POLE: variants seen among roughly 807,000 people sequenced by gnomAD.
The protein encoded by POLE is DNA polymerase epsilon, catalytic subunit, also known as DNA polymerase epsilon catalytic subunit A.
A neutral mutation model predicts 279.2 loss-of-function variants in POLE; 188 were observed. The observed-to-expected ratio is 0.67, with a 90% CI of 0.60 to 0.76. POLE has a LOEUF of 0.76. Among genes scored for constraint, POLE ranks in the 30% least tolerant of loss-of-function variants. The pLI is 0.00. For synonymous variants in POLE, 1,214 were observed against 1,172.5 expected (o/e 1.04, Z -0.72); for missense variants, 2,703 against 3,016.7 (o/e 0.90, Z 2.44).
chr12:132,661,621 G>A lies in POLE; in HGVS notation c.2770C>T (p.Arg924Cys), dbSNP rs369751686. ...TCAAAAAAGATGCTGTTCTCTGAGC[G>A]GGTGACGTAGGTGAGTGAGGACGGC... is the stretch of plus-strand genomic sequence containing the variant. ...AEPSSLTYVT[R>C]SENSIFFEVD... Residue 924 changes from arginine (R) to cysteine (C), a missense_variant, in exon 24 of 49, where the codon CGC (arginine) becomes TGC (cysteine). Physicochemically the swap from Arg to Cys is radical, Grantham distance 180. Around this residue, in one of 5 missense-constraint regions of POLE, gnomAD observed 101 missense variants for 115.4 expected, o/e 0.87. Transcript: ENST00000320574. The surrounding 1 kb of genome is among the most constrained non-coding windows in gnomAD (Gnocchi z 4.1). 2.9e-5 allele frequency: 47 copies of A among 1,614,016 alleles called. No individual in the cohort carries two copies. The highest frequency in any genetic ancestry group is 3.3e-5 in the Non-Finnish European group (39 of 1,180,022).
intron 45 of POLE, among the ~76,000 whole-genome samples, chr12:132,630,445 A>T (rs999757227): frequency 7.2e-5 from 11 of 152,280 alleles, no homozygotes; most frequent in South Asian, 4.1e-4. Flanking sequence ...GACAGCAAAG[A>T]AGCCCATTAA....
intron 15 of POLE, 148 bp downstream of exon 15, chr12:132,672,479 C>A: frequency 9.4e-7 from 1 of 1,058,300 alleles, no homozygotes; most frequent in Non-Finnish European, 1.4e-6. Flanking sequence ...AAAGAAGCCC[C>A]CGGGGGGTGC....
intron 19 of POLE, 29 bp from the exon 20 acceptor site, chr12:132,667,677 G>C (rs761146749): frequency 1.2e-6 from 2 of 1,612,372 alleles, no homozygotes; most frequent in Non-Finnish European, 1.7e-6. Context: ...GGCAGAGCAG[G>C]TGGGTGAGAT....
chr12:132,628,661 AAAACAAAACAAAACAAAACAAAAC>A (rs869045000), intron 45 of POLE, among the ~76,000 whole-genome samples: 3 of 39,072 alleles, frequency 7.7e-5, no homozygotes, highest in Admixed American at 6.1e-4. Flanking sequence ...AAAACAAAAC[AAAACAAAACAAAACAAAACAAAAC>A]AAAAAACTAC....
Position 132,657,173 on chromosome 12 carries a change from TTC to T in POLE, c.3543_3544del (p.Lys1182AspfsTer3), listed in dbSNP as rs1394807140. On this transcript the variant is annotated frameshift_variant, in exon 29 of 49. Coordinates refer to ENST00000320574, the MANE Select transcript of POLE (RefSeq NM_006231.4). LOFTEE classifies it high-confidence loss of function. The stretch of plus-strand genomic sequence containing the variant: ...CTCCAGGGTGAAGAGCTCACTGATC[TTC>T]TTCTGCTTGTAGACATCATTCTTCT... The T allele has an allele frequency of 6.2e-7, 1 of 1,613,982 alleles. No homozygotes were observed. The highest frequency in any genetic ancestry group is 8.5e-7 in the Non-Finnish European group (1 of 1,179,998).
chr12:132,687,247 C>T lies in POLE; in HGVS notation c.62+7G>A. 3 of 1,492,826 alleles carry T rather than the reference C, an allele frequency of 2.0e-6. No homozygotes were observed. Among genetic ancestry groups the T allele is most frequent in the Non-Finnish European group, 2.7e-6 (3 of 1,123,310 alleles). The allele number at this position is 1,492,826 out of a possible 1,614,324, so 92.5% of individuals were successfully genotyped here. On this transcript the variant is annotated splice_region_variant and intron_variant, in intron 1 of 48. Coordinates refer to ENST00000320574, the MANE Select transcript of POLE (RefSeq NM_006231.4). ...CGGCCCGAGAGCCTCAGGAGGGCGC[C>T]CCTCACCTGCTGGCCTCGCCATCCG...
At chr12:132,651,219 A>G (rs1267392715) in intron 29 of POLE, 7 of 152,194 alleles carry the variant, frequency 4.6e-5, no homozygotes, top group Admixed American at 3.9e-4. Flanking sequence ...TGAGACTGAC[A>G]CCGGGTGAAA....
In POLE at chr12:132,680,621, C is replaced by T. The variant is rs1316316435; in HGVS notation, c.271G>A (p.Gly91Arg). 8 of 1,613,494 alleles carry T rather than the reference C, an allele frequency of 5.0e-6. No homozygotes were observed. Among genetic ancestry groups the T allele is most frequent in the Non-Finnish European group, 2.5e-6 (3 of 1,179,564 alleles). ...AVDYYFIQDD[G>R]SRFKVALPYK... is the part of the protein sequence containing the mutation. The stretch of plus-strand genomic sequence containing the variant: ...CAGGGGCTTACCTTAAATCTGCTTC[C>T]GTCATCTTGAATAAAGTAGTAATCC... The change falls in exon 3 of 49, where the codon GGA becomes AGA. Residue 91 changes from glycine (G) to arginine (R), a missense_variant. Coordinates refer to ENST00000320574, the MANE Select transcript of POLE (RefSeq NM_006231.4).
Position 132,681,429 on chromosome 12 carries a change from C to T in POLE, c.63-150G>A, listed in dbSNP as rs550524327. On this transcript the variant is annotated intron_variant, in intron 1 of 48. Coordinates refer to ENST00000320574, the MANE Select transcript of POLE (RefSeq NM_006231.4). ...TGTGATCTCGGCTCACTGCAAGCTC[C>T]GCCTCCCGGGTTCACGCCATTCTCC... 140 of 747,284 alleles carry T rather than the reference C, an allele frequency of 1.9e-4. No homozygotes were observed. In the Admixed American group the frequency reaches 2.5e-3, roughly 13 times the overall value. 46.3% of individuals were successfully genotyped at this position (747,284 alleles called of 1,614,324 possible).
chr12:132,648,458 C>T (rs1279119187), intron 32 of POLE: 2 of 152,752 alleles, frequency 1.3e-5, no homozygotes, highest in East Asian at 1.9e-4. Context: ...ATGTAACAAA[C>T]CTGCACTTTC....
chr12:132,639,130 G>A lies in POLE; in HGVS notation c.5547C>T (p.Phe1849=), dbSNP rs1565932929. 1.2e-6 allele frequency: 2 copies of A among 1,614,078 alleles called. No individual in the cohort carries two copies. Among genetic ancestry groups the A allele is most frequent in the Non-Finnish European group, 8.5e-7 (1 of 1,179,946 alleles). ...RTLHNMMKKL[F]LQLIAEFKRL... is the part of the protein sequence containing the mutation. ...CAGGGAGGAGGAGCACTCACTGCAG[G>A]AAGAGCTTCTTCATCATGTTGTGGA... The change falls in exon 40 of 49, where the codon TTC becomes TTT. Residue 1849 remains phenylalanine, a synonymous_variant. Transcript: ENST00000320574. This position sits in a 1 kb window ranked among gnomAD's most constrained non-coding sequence, Gnocchi z 4.7.
chr12:132,682,311 A>AAT (rs61693359), intron 1 of POLE, among the ~76,000 whole-genome samples: 11,464 of 74,230 alleles, frequency 0.15, 613 homozygotes, highest in Non-Finnish European at 0.18. Context: ...AAAATAAATA[A>AAT]AAATAAATAA....
intron 45 of POLE, among the ~76,000 whole-genome samples, chr12:132,628,606 G>A (rs1281881971): frequency 1.3e-5 from 2 of 150,794 alleles, no homozygotes; most frequent in East Asian, 3.9e-4. Context: ...CCGCACCACT[G>A]TATTCCAGCC....
rs2138608438 is a variant in POLE at position 132,649,435 on chromosome 12, C to G, written c.3876G>C (p.Arg1292Ser). 2 of 1,612,890 alleles carry G rather than the reference C, an allele frequency of 1.2e-6. No homozygotes were observed. The highest frequency in any genetic ancestry group is 1.7e-6 in the Non-Finnish European group (2 of 1,180,018). The change falls in exon 31 of 49, where the codon AGG becomes AGC. Residue 1292 changes from arginine (R) to serine (S), a missense_variant. Arg to Ser is a moderately radical substitution (Grantham distance 110). This residue lies in a region of POLE where 1,551 missense variants were observed against 1,686.1 expected (regional missense o/e 0.92). Coordinates refer to ENST00000320574, the MANE Select transcript of POLE (RefSeq NM_006231.4). The part of the protein sequence containing the change: ...QARQRLARRK[R>S]QRLESAEGVL... The stretch of plus-strand genomic sequence containing the variant: ...CACCCTCTGCCGACTCCAGACGCTG[C>G]CTCTTCCTGCGGGCGAGGCGCTGCC...
In POLE at chr12:132,665,870, A is replaced by T. The variant is rs541656511; in HGVS notation, c.2320-420T>A. ...GGAACAAAAGCAAATTCCTTAAGAT[A>T]ATTACTGAGTGCCTAGTATGTGCCA... On this transcript the variant is annotated intron_variant, in intron 20 of 48. Coordinates refer to ENST00000320574, the MANE Select transcript of POLE (RefSeq NM_006231.4). Among the ~76,000 whole-genome samples, 5 of 152,350 alleles carry T rather than the reference A, an allele frequency of 3.3e-5. No homozygotes were observed. In the East Asian group the frequency reaches 9.6e-4, roughly 29 times the overall value.
Position 132,632,751 on chromosome 12 carries a change from G to A in POLE, c.6049C>T (p.Arg2017Cys), listed in dbSNP as rs115452769. The A allele has an allele frequency of 1.1e-5, 18 of 1,612,568 alleles. No individual in the cohort carries two copies. In the East Asian group the frequency reaches 1.6e-4, roughly 14 times the overall value. The part of the protein sequence containing the change: ...VYHCMKDGLR[R>C]SAPGSTPVRR... The stretch of plus-strand genomic sequence containing the variant: ...ACGGGGGTGCTCCCTGGAGCACTGC[G>A]CCTCAGCCCGTCCTTCATGCAGTGG... Residue 2017 changes from arginine to cysteine, a missense_variant, in exon 44 of 49, where the codon CGC (arginine) becomes TGC (cysteine). Transcript: ENST00000320574.
At position 132,665,473 on chromosome 12, in the gene POLE, G is replaced by A. The variant is rs143911075; in HGVS notation, c.2320-23C>T. The A allele has an allele frequency of 9.0e-5, 143 of 1,592,042 alleles. No homozygotes were observed. The African/African-American group carries it at 1.7e-3, about 18-fold the overall frequency. ...CACCTGAGAAGCACATGAACATGGA[G>A]CACCTCACAGATTCTTCCATTTCAC... On this transcript the variant is annotated intron_variant, in intron 20 of 48. Coordinates refer to ENST00000320574, the MANE Select transcript of POLE (RefSeq NM_006231.4).
At chr12:132,625,362 G>GC in intron 47 of POLE, 1 of 731,584 alleles carries the variant, frequency 1.4e-6, no homozygotes, top group Non-Finnish European at 2.5e-6. Flanking sequence ...GCCGAGCTGT[G>GC]CAACTCCCTC....
chr12:132,629,626 A>G (rs2041898015), intron 45 of POLE, among the ~76,000 whole-genome samples: 1 of 152,190 alleles, frequency 6.6e-6, no homozygotes, highest in Admixed American at 6.5e-5. Flanking sequence ...AACTGAACAG[A>G]GTGAGAGCCT....
Sources: allele counts gnomAD v4.1 joint callset (sites outside exome capture counted in the v4.1 genomes callset), GRCh38; gene constraint gnomAD v4.1.1; regional missense constraint gnomAD v4.1.1; non-coding constraint Gnocchi (gnomAD v3.1); transcripts MANE v1.5; gene names NCBI Gene and HGNC (gene_info 2026-07-23, HGNC 2026-07-21).